Variants in ADK observed in about 807,000 individuals in gnomAD.
ADK encodes the protein N6,N6-dimethyladenosine kinase.
In ADK, 24 loss-of-function variants were observed where a neutral mutation model predicts 44.7. The observed-to-expected ratio is 0.54, with a 90% CI of 0.39 to 0.76. The LOEUF (loss-of-function observed/expected upper bound fraction) is 0.76. Ranked by LOEUF, ADK falls within the 30% of genes least tolerant of loss-of-function variation. ADK has a pLI of 0.00. For synonymous variants in ADK, 128 were observed against 142.6 expected, an observed-to-expected ratio of 0.90 and a Z score of 0.73; for missense variants, 321 against 425.1, an observed-to-expected ratio of 0.76 and a Z score of 2.15.
chr10:74,165,483 A>G (rs1320604916), intron 1 of ADK, among the ~76,000 whole-genome samples: 2 of 151,450 alleles, frequency 1.3e-5, no homozygotes, highest in Non-Finnish European at 2.9e-5. Context: ...TTTTAATTAA[A>G]TTTAATTTTT....
At chr10:74,205,999 C>A (rs527418200) in intron 2 of ADK, among the ~76,000 whole-genome samples, 1 of 152,034 alleles carries the variant, frequency 6.6e-6, no homozygotes. Context: ...CTGTAATAAA[C>A]AGAAAATAAA....
chr10:74,698,542 C>T (rs1025280528), intron 10 of ADK, among the ~76,000 whole-genome samples: 1 of 152,092 alleles, frequency 6.6e-6, no homozygotes, highest in Non-Finnish European at 1.5e-5. Context: ...CTAAAAAGAG[C>T]AGACTTTTTT....
intron 7 of ADK, among the ~76,000 whole-genome samples, chr10:74,569,448 G>A (rs1258218846): frequency 1.2e-4 from 18 of 152,162 alleles, no homozygotes; most frequent in Admixed American, 1.3e-4. Flanking sequence ...GCTGTTTCCT[G>A]ACTTTTTAAT....
At chr10:74,400,076 G>A (rs1365663775) in intron 6 of ADK, among the ~76,000 whole-genome samples, 1 of 152,044 alleles carries the variant, frequency 6.6e-6, no homozygotes, top group Non-Finnish European at 1.5e-5. Flanking sequence ...TTGGGTGAAT[G>A]GAGTTTTACA....
intron 8 of ADK, among the ~76,000 whole-genome samples, chr10:74,595,697 A>ACTC (rs1211975508): frequency 1.8e-5 from 1 of 57,132 alleles, no homozygotes; most frequent in Non-Finnish European, 3.4e-5. Flanking sequence ...CAACAGATTA[A>ACTC]AAAAATAGGC....
At chr10:74,374,465 C>T (rs540429041) in intron 4 of ADK, among the ~76,000 whole-genome samples, 9 of 152,098 alleles carry the variant, frequency 5.9e-5, no homozygotes, top group Non-Finnish European at 1.3e-4. Context: ...AATATCACTA[C>T]TAAACAAGAA....
chr10:74,678,666 G>C (rs1041670015), intron 10 of ADK, among the ~76,000 whole-genome samples: 3 of 152,192 alleles, frequency 2.0e-5, no homozygotes, highest in Admixed American at 6.5e-5. Flanking sequence ...GATGATTATT[G>C]AGAAATATTT....
chr10:74,590,063 C>A (rs905447317), intron 8 of ADK, among the ~76,000 whole-genome samples: 10 of 152,060 alleles, frequency 6.6e-5, no homozygotes, highest in African/African-American at 2.4e-4. Context: ...GTATAATACC[C>A]CTCTTCCAAC....
chr10:74,162,693 C>T (rs1841940533), intron 1 of ADK, among the ~76,000 whole-genome samples: 1 of 151,656 alleles, frequency 6.6e-6, no homozygotes, highest in African/African-American at 2.4e-5. Flanking sequence ...TACAGTCATG[C>T]ACCACTGTGC....
intron 9 of ADK, among the ~76,000 whole-genome samples, chr10:74,646,564 A>G (rs1415986645): frequency 6.6e-6 from 1 of 152,206 alleles, no homozygotes; most frequent in Non-Finnish European, 1.5e-5. Flanking sequence ...GGCCAAAGTT[A>G]AAAATACCAC....
Position 74,371,424 on chromosome 10 carries a change from T to A in ADK, c.274-22717T>A, listed in dbSNP as rs553974875. ...TATACCAAACAAAAATCTTAAGCAG[T>A]CCCCTACAGATCTATTAGAAGTAAT... On this transcript the variant is annotated intron_variant, in intron 4 of 10. Transcript: ENST00000539909. 1.6e-4 allele frequency: 96 copies of A among 609,078 alleles called. No homozygotes were observed. In the South Asian group the frequency reaches 1.8e-3, roughly 12 times the overall value. 37.7% of individuals were successfully genotyped at this position (609,078 alleles called of 1,614,324 possible).
chr10:74,432,174 A>G (rs1175303128), intron 6 of ADK, among the ~76,000 whole-genome samples: 1 of 152,186 alleles, frequency 6.6e-6, no homozygotes, highest in East Asian at 1.9e-4. Flanking sequence ...AGCCTGAGCA[A>G]CAGAATTTTT....
intron 4 of ADK, among the ~76,000 whole-genome samples, chr10:74,318,775 A>G (rs1840714229): frequency 6.6e-6 from 1 of 152,232 alleles, no homozygotes; most frequent in Non-Finnish European, 1.5e-5. Context: ...CTGGAATGCC[A>G]AAACCTGCAT....
intron 8 of ADK, among the ~76,000 whole-genome samples, 171 bp from the exon 9 acceptor site, chr10:74,600,208 T>G (rs940707119): frequency 7.3e-6 from 1 of 136,116 alleles, no homozygotes; most frequent in African/African-American, 2.7e-5. Flanking sequence ...TCCTTGGAAG[T>G]CACTGTGCTA....
intron 3 of ADK, among the ~76,000 whole-genome samples, chr10:74,256,368 T>C (rs767305620): frequency 1.3e-5 from 2 of 152,210 alleles, no homozygotes; most frequent in Non-Finnish European, 2.9e-5. Flanking sequence ...AAGAACTGAT[T>C]GTTATGATTT....
intron 10 of ADK, among the ~76,000 whole-genome samples, chr10:74,704,741 T>C (rs1165889472): frequency 6.6e-6 from 1 of 152,238 alleles, no homozygotes; most frequent in Non-Finnish European, 1.5e-5. Flanking sequence ...TTTCTCACAA[T>C]GATCATACCA....
chr10:74,613,076 C>T (rs940407288), intron 9 of ADK, among the ~76,000 whole-genome samples: 2 of 151,936 alleles, frequency 1.3e-5, no homozygotes, highest in South Asian at 2.1e-4. Context: ...CTTCTGGCTT[C>T]GTTTTTTGCT....
chr10:74,643,757 C>G (rs1255953290), intron 9 of ADK, among the ~76,000 whole-genome samples: 1 of 152,158 alleles, frequency 6.6e-6, no homozygotes, highest in Non-Finnish European at 1.5e-5. Flanking sequence ...TTTTGGCAGG[C>G]ATGGGGACAT....
chr10:74,164,180 A>G (rs1345931634), intron 1 of ADK, among the ~76,000 whole-genome samples: 3 of 152,244 alleles, frequency 2.0e-5, no homozygotes, highest in Non-Finnish European at 4.4e-5. Flanking sequence ...TAGGTTTGAG[A>G]TATTATAATA....
Sources: gnomAD v4.1 joint callset for allele counts (sites outside exome capture counted in the v4.1 genomes callset) on GRCh38, gnomAD v4.1.1 for gene constraint, MANE v1.5 for transcripts, NCBI Gene and HGNC (gene_info 2026-07-23, HGNC 2026-07-21) for gene names.